The following USP12 variants were observed in gnomAD, a reference collection of about 807,000 sequenced individuals.
USP12 encodes the protein ubiquitin specific peptidase 12.
In USP12, 19 loss-of-function variants were observed where a neutral mutation model predicts 45.5. The observed-to-expected ratio is 0.42, with a 90% CI of 0.29 to 0.61. The LOEUF is 0.61. USP12 is among the 20% of genes least tolerant of loss of function. The pLI, the probability that USP12 is intolerant of heterozygous loss-of-function variation, is 0.22. For synonymous variants in USP12, 149 were observed against 148.8 expected (o/e 1.00, Z -0.01); for missense variants, 242 against 447.7 (o/e 0.54, Z 4.15).
rs1555233236 is a variant in USP12 at position 27,086,197 on chromosome 13, A to AATATATATAT, written c.734+3676_734+3685dup. On this transcript the variant is annotated intron_variant, in intron 6 of 8. Transcript: ENST00000282344. ...TTTAAAAAAAAAAAAAAAAAAAAAA[A>AATATATATAT]ATATATATATATATATATATATGCG... Among the ~76,000 whole-genome samples, 93 of 56,904 alleles carry AATATATATAT rather than the reference A, an allele frequency of 1.6e-3. 3 individuals carry two copies. Among genetic ancestry groups the AATATATATAT allele is most frequent in the East Asian group, 6.3e-3 (10 of 1,598 alleles). 37.3% of individuals were successfully genotyped at this position (56,904 alleles called of 152,430 possible). A position where few individuals can be genotyped will look rare whatever the true frequency, so the allele number is the denominator to read the frequency against.
chr13:27,138,119 G>A lies in USP12; in HGVS notation c.49-21523C>T, dbSNP rs139391810. 4.1e-3 allele frequency among the ~76,000 whole-genome samples: 631 copies of A among 152,324 alleles called. 3 individuals are homozygous for A. Among genetic ancestry groups the A allele is most frequent in the African/African-American group, 0.014 (597 of 41,568 alleles). ...CTGAGTACAGCCTTGCAGAGGGCACGGCTTACCTACAACAGAAACTGTTAT... is the reference window on the plus strand; with the variant it reads ...CTGAGTACAGCCTTGCAGAGGGCACAGCTTACCTACAACAGAAACTGTTAT... On this transcript the variant is annotated intron_variant, in intron 1 of 8. Transcript: ENST00000282344.
intron 1 of USP12, among the ~76,000 whole-genome samples, chr13:27,159,444 T>A (rs1878002306): frequency 6.6e-6 from 1 of 152,240 alleles, no homozygotes. Flanking sequence ...ATAATTCTGG[T>A]GTTTTACAAG....
At chr13:27,116,489 T>C (rs2137797524) in intron 2 of USP12, 27 bp downstream of exon 2, 1 of 1,606,652 alleles carries the variant, frequency 6.2e-7, no homozygotes, top group African/African-American at 1.3e-5. Context: ...CGAACATGAT[T>C]CTAAAAGCGT....
At position 27,098,301 on chromosome 13, in the gene USP12, C is replaced by T. The variant is rs115586328; in HGVS notation, c.344-2471G>A. Among the ~76,000 whole-genome samples, 1,108 of 150,728 alleles carry T rather than the reference C, an allele frequency of 7.4e-3. 12 individuals are homozygous for T. Among genetic ancestry groups the T allele is most frequent in the African/African-American group, 0.026 (1,057 of 40,980 alleles). ...AGTCAACATAAATGAAGACAAGTGA[C>T]GAACAAGGATAATTATTTGCATATT... is the stretch of plus-strand genomic sequence containing the variant. On this transcript the variant is annotated intron_variant, in intron 3 of 8. Coordinates refer to ENST00000282344, the MANE Select transcript of USP12 (RefSeq NM_182488.4).
At chr13:27,113,438 A>C (rs1304735407) in intron 2 of USP12, among the ~76,000 whole-genome samples, 3 of 152,204 alleles carry the variant, frequency 2.0e-5, no homozygotes, top group Admixed American at 6.5e-5. Context: ...GCCCTCTTGC[A>C]CCAACCAGTT....
chr13:27,090,221 A>G, intron 4 of USP12, 63 bp from the exon 5 acceptor site: 2 of 1,329,518 alleles, frequency 1.5e-6, no homozygotes, highest in South Asian at 2.7e-5. Context: ...TTCCCAATTA[A>G]CAGAATTAAA....
At chr13:27,126,093 T>C (rs1272880947) in intron 1 of USP12, among the ~76,000 whole-genome samples, 1 of 152,242 alleles carries the variant, frequency 6.6e-6, no homozygotes, top group Non-Finnish European at 1.5e-5. Context: ...TAAACGTCCC[T>C]GCCTGACAGG....
At chr13:27,112,763 T>TA (rs1222101385) in intron 2 of USP12, among the ~76,000 whole-genome samples, 7 of 152,272 alleles carry the variant, frequency 4.6e-5, no homozygotes, top group East Asian at 1.9e-4. Flanking sequence ...CATATACAGA[T>TA]AGAGTATAGG....
intron 6 of USP12, 86 bp from the exon 7 acceptor site, chr13:27,075,474 C>A: frequency 8.2e-7 from 1 of 1,226,146 alleles, no homozygotes; most frequent in South Asian, 1.5e-5. Flanking sequence ...ATCCAATGAA[C>A]AGATAGACAA....
At chr13:27,096,827 A>T (rs1464514582) in intron 3 of USP12, among the ~76,000 whole-genome samples, 1 of 152,208 alleles carries the variant, frequency 6.6e-6, no homozygotes, top group Admixed American at 6.5e-5. Context: ...TCCTCAATGT[A>T]CATTTAATAA....
Position 27,069,136 on chromosome 13 carries a change from A to T in USP12, c.*147T>A. ...CATGATCGGAAGGGCTTGTCAATCC[A>T]TCGTCTTTGCTTTATCGTGTGCAAA... On this transcript the variant is annotated 3_prime_UTR_variant, in exon 9 of 9. Coordinates refer to ENST00000282344, the MANE Select transcript of USP12 (RefSeq NM_182488.4). 3.0e-6 allele frequency: 2 copies of T among 675,286 alleles called. No homozygotes were observed. Among genetic ancestry groups the T allele is most frequent in the Non-Finnish European group, 5.2e-6 (2 of 383,170 alleles). 41.8% of individuals were successfully genotyped at this position (675,286 alleles called of 1,614,324 possible).
chr13:27,148,346 T>G (rs1877402665), intron 1 of USP12, among the ~76,000 whole-genome samples: 1 of 148,164 alleles, frequency 6.7e-6, no homozygotes, highest in Non-Finnish European at 1.5e-5. Context: ...CTTTCTTCTC[T>G]TAATTGATTT....
intron 6 of USP12, among the ~76,000 whole-genome samples, chr13:27,079,041 C>T (rs1378420495): frequency 6.6e-6 from 1 of 151,142 alleles, no homozygotes; most frequent in Non-Finnish European, 1.5e-5. Flanking sequence ...CTAAGCAACA[C>T]ATTTCCAAAT....
chr13:27,089,939 G>A lies in USP12; in HGVS notation c.678C>T (p.Cys226=), dbSNP rs775275966. 1.9e-6 allele frequency: 3 copies of A among 1,610,830 alleles called. No homozygotes were observed. ...CTTCACAGTAATACTTGTATTCACT[G>A]CACAGAGTTTCTGTGTTGCTGAAAC... ...LRGFSNTETL[C]SEYKYYCEEC... The change falls in exon 6 of 9, where the codon TGC becomes TGT. Residue 226 remains cysteine (C), a synonymous_variant. Transcript: ENST00000282344.
At chr13:27,069,840 G>A (rs941037015) in intron 8 of USP12, among the ~76,000 whole-genome samples, 4 of 152,122 alleles carry the variant, frequency 2.6e-5, no homozygotes, top group South Asian at 2.1e-4. Context: ...CCAGCTACTC[G>A]GGAGGCTGAG....
rs530792283 is a variant in USP12, at chr13:27,091,521, C to T, written c.574-1363G>A. 5.3e-5 allele frequency among the ~76,000 whole-genome samples: 8 copies of T among 152,282 alleles called. No homozygotes were observed. The South Asian group carries it at 1.7e-3, about 32-fold the overall frequency. ...TCAAGTAGGACAGTATTCCACTTTT[C>T]AAAGTGGTTGTAAAGACATCTGGCT... is the stretch of plus-strand genomic sequence containing the variant. On this transcript the variant is annotated intron_variant, in intron 4 of 8. Coordinates refer to ENST00000282344, the MANE Select transcript of USP12 (RefSeq NM_182488.4).
intron 1 of USP12, among the ~76,000 whole-genome samples, chr13:27,137,538 C>G (rs966452663): frequency 6.6e-6 from 1 of 152,162 alleles, no homozygotes; most frequent in African/African-American, 2.4e-5. Flanking sequence ...TAGACATGTT[C>G]TAACAAACTA....
At chr13:27,079,281 AG>A (rs1203641540) in intron 6 of USP12, among the ~76,000 whole-genome samples, 9 of 152,226 alleles carry the variant, frequency 5.9e-5, no homozygotes, top group African/African-American at 2.2e-4. Context: ...GCAAAATCCC[AG>A]GAAGAGTGGC....
At chr13:27,167,125 G>C (rs1033468396) in intron 1 of USP12, among the ~76,000 whole-genome samples, 1 of 152,142 alleles carries the variant, frequency 6.6e-6, no homozygotes, top group African/African-American at 2.4e-5. Context: ...AGCTGGGCGT[G>C]GTGGCACATG....
Sources: allele counts gnomAD v4.1 joint callset (sites outside exome capture counted in the v4.1 genomes callset), GRCh38; gene constraint gnomAD v4.1.1; transcripts MANE v1.5; gene names NCBI Gene and HGNC (gene_info 2026-07-23, HGNC 2026-07-21).